TBC1D19: variants seen among roughly 807,000 people sequenced by gnomAD.
TBC1D19 encodes TBC1 domain family member 19.
A neutral mutation model predicts 89.0 loss-of-function variants in TBC1D19; 60 were observed. The ratio of observed to expected loss-of-function variants is 0.67; its 90% CI spans 0.55 to 0.84. The LOEUF (loss-of-function observed/expected upper bound fraction) is 0.84, where lower values mean the gene tolerates loss of function less well. TBC1D19 is among the 40% of genes least tolerant of loss of function. The pLI is 0.00. For synonymous variants in TBC1D19, 189 were observed against 199.7 expected (o/e 0.95, Z 0.45); for missense variants, 500 against 610.8 (o/e 0.82, Z 1.91).
chr4:26,660,143 C>T (rs1201346943), intron 8 of TBC1D19, among the ~76,000 whole-genome samples: 6 of 152,120 alleles, frequency 3.9e-5, no homozygotes. Context: ...TAGAGACTGG[C>T]TTTGCTCTGG....
chr4:26,585,358 A>G (rs1560396057), intron 1 of TBC1D19, among the ~76,000 whole-genome samples: 1 of 152,066 alleles, frequency 6.6e-6, no homozygotes, highest in Non-Finnish European at 1.5e-5. Flanking sequence ...CTCTAGTAGA[A>G]GTGTAATAGT....
chr4:26,680,180 AT>A lies in TBC1D19; in HGVS notation c.817-3493del, dbSNP rs551994561. Among the ~76,000 whole-genome samples, 18 of 152,256 alleles carry A rather than the reference AT, an allele frequency of 1.2e-4. No individual in the cohort carries two copies. In the East Asian group the frequency reaches 3.3e-3, roughly 28 times the overall value. ...CACGGCCATGTGGAAGTGTGAACCA[AT>A]TAAACCTCTTTCCTTTACAAATTAC... On this transcript the variant is annotated intron_variant, in intron 11 of 20. Transcript: ENST00000264866.
At chr4:26,764,410 T>C in the TBC1D19 span, among the ~76,000 whole-genome samples, 2 of 152,180 alleles carry the variant, frequency 1.3e-5, no homozygotes, top group African/African-American at 4.8e-5. Context: ...GAGATGGCTG[T>C]AGTTGTTCAG....
the TBC1D19 span, among the ~76,000 whole-genome samples, chr4:26,816,986 T>C: frequency 6.6e-6 from 1 of 152,214 alleles, no homozygotes. Flanking sequence ...TTTGGGCTTC[T>C]AGATTCTACG....
At chr4:26,647,803 G>A (rs748481710) in intron 7 of TBC1D19, among the ~76,000 whole-genome samples, 5 of 151,956 alleles carry the variant, frequency 3.3e-5, no homozygotes, top group Non-Finnish European at 7.4e-5. Context: ...CTACCTGCAT[G>A]TTCCCTCACT....
At chr4:26,612,823 T>C (rs915112556) in intron 1 of TBC1D19, among the ~76,000 whole-genome samples, 2 of 152,102 alleles carry the variant, frequency 1.3e-5, no homozygotes, top group Non-Finnish European at 2.9e-5. Flanking sequence ...GTGCCATATA[T>C]ATTTAATATA....
chr4:26,713,958 T>G (rs1716378693), intron 13 of TBC1D19, among the ~76,000 whole-genome samples: 1 of 152,058 alleles, frequency 6.6e-6, no homozygotes, highest in African/African-American at 2.4e-5. Flanking sequence ...AGAAACAGCA[T>G]AAAGTTGAAA....
At chr4:26,591,356 G>A (rs1163754156) in intron 1 of TBC1D19, among the ~76,000 whole-genome samples, 2 of 151,964 alleles carry the variant, frequency 1.3e-5, no homozygotes, top group Non-Finnish European at 2.9e-5. Context: ...CTGCTATAGG[G>A]AGCTGAGATC....
the TBC1D19 span, among the ~76,000 whole-genome samples, chr4:26,793,200 G>C: frequency 1.0e-3 from 152 of 152,224 alleles, 1 homozygote; most frequent in East Asian, 0.026. Flanking sequence ...AGAGAGGTAC[G>C]ACCTGAAATG....
chr4:26,622,858 G>T (rs1247438436), intron 4 of TBC1D19, among the ~76,000 whole-genome samples: 1 of 152,074 alleles, frequency 6.6e-6, no homozygotes, highest in Non-Finnish European at 1.5e-5. Flanking sequence ...TACAAGGTTT[G>T]CCTATCCCCG....
chr4:26,692,208 A>T (rs573038047), intron 13 of TBC1D19, among the ~76,000 whole-genome samples: 2 of 152,268 alleles, frequency 1.3e-5, no homozygotes, highest in Admixed American at 1.3e-4. Context: ...ATATCTCCAC[A>T]GGAGGGGCAG....
chr4:26,652,183 T>C (rs937440786), intron 7 of TBC1D19, among the ~76,000 whole-genome samples: 9 of 152,036 alleles, frequency 5.9e-5, no homozygotes, highest in African/African-American at 9.7e-5. Flanking sequence ...TCTTTTTTTG[T>C]TGTGTCTCTG....
upstream of TBC1D19, among the ~76,000 whole-genome samples, chr4:26,580,022 A>T (rs1739037448): frequency 6.6e-6 from 1 of 152,076 alleles, no homozygotes; most frequent in Admixed American, 6.5e-5. Flanking sequence ...AATAATAAAG[A>T]TCTTATTATT....
chr4:26,638,252 A>G (rs536692108), intron 5 of TBC1D19, among the ~76,000 whole-genome samples: 1 of 151,870 alleles, frequency 6.6e-6, no homozygotes, highest in Admixed American at 6.5e-5. Flanking sequence ...AGGATGTAGT[A>G]GGTATACTTT....
intron 1 of TBC1D19, among the ~76,000 whole-genome samples, chr4:26,606,098 TTCAGCC>T (rs377145206): frequency 3.2e-4 from 48 of 152,290 alleles, no homozygotes; most frequent in Middle Eastern, 3.4e-3. Context: ...ACCCTCTGGC[TTCAGCC>T]TCCCCAGTAG....
At chr4:26,826,177 T>C in the TBC1D19 span, among the ~76,000 whole-genome samples, 4 of 152,104 alleles carry the variant, frequency 2.6e-5, no homozygotes, top group African/African-American at 9.7e-5. Context: ...ACTCCAGCCT[T>C]GGTGACAGAA....
the TBC1D19 span, among the ~76,000 whole-genome samples, chr4:26,855,736 G>T: frequency 6.6e-6 from 1 of 152,150 alleles, no homozygotes; most frequent in East Asian, 1.9e-4. Context: ...TAGGTGTTTT[G>T]TATACTTTAA....
chr4:26,663,354 A>G (rs1236273893), intron 8 of TBC1D19, among the ~76,000 whole-genome samples: 2 of 152,200 alleles, frequency 1.3e-5, no homozygotes, highest in African/African-American at 4.8e-5. Flanking sequence ...TGACTGAAGG[A>G]CGGAAAGAAT....
chr4:26,757,999 C>T (rs1027660752), downstream of TBC1D19, among the ~76,000 whole-genome samples: 1 of 152,174 alleles, frequency 6.6e-6, no homozygotes, highest in African/African-American at 2.4e-5. Flanking sequence ...TCAGCCTCTC[C>T]AGATTCCATG....
Sources: allele counts gnomAD v4.1 joint callset (sites outside exome capture counted in the v4.1 genomes callset), GRCh38; gene constraint gnomAD v4.1.1; transcripts MANE v1.5; gene names NCBI Gene and HGNC (gene_info 2026-07-23, HGNC 2026-07-21).